The following PTPRN2 variants were observed in gnomAD, a reference collection of about 807,000 sequenced individuals.
PTPRN2 encodes protein tyrosine phosphatase receptor type N2, also known as receptor-type tyrosine-protein phosphatase N2.
In PTPRN2, 74 loss-of-function variants were observed where a neutral mutation model predicts 118.8. The observed-to-expected ratio is 0.62, with a 90% CI of 0.52 to 0.76. The LOEUF (loss-of-function observed/expected upper bound fraction) is 0.76, where lower values mean the gene tolerates loss of function less well. Ranked by LOEUF, PTPRN2 falls within the 30% of genes least tolerant of loss-of-function variation. PTPRN2 has a pLI of 0.00. For synonymous variants in PTPRN2, 641 were observed against 608.0 expected (o/e 1.05, Z -0.80); for missense variants, 1,481 against 1,394.4 (o/e 1.06, Z -0.99).
chr7:158,175,474 G>A (rs891720061), intron 5 of PTPRN2, among the ~76,000 whole-genome samples: 8 of 152,122 alleles, frequency 5.3e-5, no homozygotes, highest in South Asian at 2.1e-4. Flanking sequence ...GTCTCTCTGT[G>A]TATCTCTGCC....
Position 158,015,502 on chromosome 7 carries a change from A to G in PTPRN2, c.1723+65796T>C. 6.8e-6 allele frequency among the ~76,000 whole-genome samples: 1 copy of G among 147,596 alleles called. No homozygotes were observed. Among genetic ancestry groups the G allele is most frequent in the South Asian group, 2.2e-4 (1 of 4,504 alleles). ...GAGGGAGAGAGGGAGAGAGGGAGAT[A>G]GAGGGAGGGGTGGGAGGAAGACAGA... On this transcript the variant is annotated intron_variant, in intron 11 of 22. Transcript: ENST00000389418. The surrounding 1 kb of genome is among the most constrained non-coding windows in gnomAD (Gnocchi z 4.2).
intron 6 of PTPRN2, among the ~76,000 whole-genome samples, chr7:158,143,685 C>A (rs750509124): frequency 6.6e-6 from 1 of 152,212 alleles, no homozygotes; most frequent in Non-Finnish European, 1.5e-5. Context: ...AGAGTAACGA[C>A]CTGACCAGAG....
At chr7:157,557,506 C>A (rs1230652078) in intron 21 of PTPRN2, among the ~76,000 whole-genome samples, 2 of 149,522 alleles carry the variant, frequency 1.3e-5, no homozygotes, top group Non-Finnish European at 3.0e-5. Context: ...CAGGTACACA[C>A]GGCATGCATA....
chr7:157,730,796 G>A (rs1197893607), intron 12 of PTPRN2, among the ~76,000 whole-genome samples: 2 of 152,258 alleles, frequency 1.3e-5, no homozygotes, highest in Non-Finnish European at 1.5e-5. Flanking sequence ...GCTGCTCCCC[G>A]CCTGGGCACA....
In PTPRN2 at chr7:158,188,307, T is replaced by C. The variant is rs878950544; in HGVS notation, c.549+4020A>G. Among the ~76,000 whole-genome samples, 61 of 24,238 alleles carry C rather than the reference T, an allele frequency of 2.5e-3. No homozygotes were observed. In the East Asian group the frequency reaches 0.03, roughly 12 times the overall value. 15.9% of individuals were successfully genotyped at this position (24,238 alleles called of 152,430 possible). On this transcript the variant is annotated intron_variant, in intron 5 of 22. Coordinates refer to ENST00000389418, the MANE Select transcript of PTPRN2 (RefSeq NM_002847.5). ...AAGGCCGCCACGCTCGCCCCCTGTA[T>C]GGGGAAGGCCGCCACGCTCGCCCCC... is the stretch of plus-strand genomic sequence containing the variant.
intron 11 of PTPRN2, among the ~76,000 whole-genome samples, chr7:158,064,844 G>C (rs987086495): frequency 1.3e-5 from 2 of 152,114 alleles, no homozygotes; most frequent in East Asian, 3.9e-4. Context: ...CTGGGCTGTC[G>C]GGTGTCCCTG....
intron 12 of PTPRN2, among the ~76,000 whole-genome samples, chr7:157,709,725 G>A (rs562346632): frequency 2.0e-5 from 3 of 152,328 alleles, no homozygotes; most frequent in East Asian, 1.9e-4. Flanking sequence ...GATTCAGCCC[G>A]GCGTGCCTGG....
intron 11 of PTPRN2, among the ~76,000 whole-genome samples, chr7:158,063,952 A>G (rs1810561498): frequency 6.6e-6 from 1 of 152,134 alleles, no homozygotes; most frequent in Admixed American, 6.6e-5. Flanking sequence ...AGTGAGACAC[A>G]CTCAGTGAGA....
At chr7:158,583,473 A>C (rs1306578973) in intron 1 of PTPRN2, among the ~76,000 whole-genome samples, 11 of 142,042 alleles carry the variant, frequency 7.7e-5, no homozygotes, top group South Asian at 2.3e-4. Context: ...GCCCACCCCC[A>C]CCTCCCCTCC....
At chr7:158,522,199 C>T (rs868734666) in intron 1 of PTPRN2, among the ~76,000 whole-genome samples, 10 of 75,618 alleles carry the variant, frequency 1.3e-4, no homozygotes, top group East Asian at 5.1e-4. Context: ...GGGAGGTCCA[C>T]GTCACAATGG....
intron 12 of PTPRN2, among the ~76,000 whole-genome samples, chr7:157,790,558 C>T (rs1804423800): frequency 6.6e-6 from 1 of 152,198 alleles, no homozygotes; most frequent in East Asian, 1.9e-4. Context: ...GGGGGCATTT[C>T]AAACCCGTGG....
intron 10 of PTPRN2, among the ~76,000 whole-genome samples, chr7:158,094,979 T>G (rs1324883136): frequency 1.3e-5 from 2 of 152,136 alleles, no homozygotes; most frequent in African/African-American, 4.8e-5. Context: ...CAACTCCAGT[T>G]TGCAATCCCA....
At chr7:158,374,069 G>A (rs888711369) in intron 2 of PTPRN2, among the ~76,000 whole-genome samples, 2 of 152,214 alleles carry the variant, frequency 1.3e-5, no homozygotes, top group African/African-American at 4.8e-5. Context: ...CTGGAGTCAG[G>A]GCTCAGGCAG....
intron 3 of PTPRN2, among the ~76,000 whole-genome samples, chr7:158,314,802 T>C (rs899162539): frequency 3.3e-5 from 5 of 152,246 alleles, no homozygotes; most frequent in Admixed American, 3.3e-4. Context: ...CAGACACGTG[T>C]AGCACTACAC....
intron 12 of PTPRN2, among the ~76,000 whole-genome samples, chr7:157,846,201 G>A (rs564430118): frequency 1.6e-4 from 24 of 152,244 alleles, no homozygotes; most frequent in Admixed American, 5.2e-4. Flanking sequence ...GAAGAAAAGC[G>A]GGGGTGGGAG....
At chr7:157,664,446 A>C in intron 13 of PTPRN2, among the ~76,000 whole-genome samples, 1 of 152,238 alleles carries the variant, frequency 6.6e-6, no homozygotes, top group East Asian at 1.9e-4. Context: ...GAATACTCTA[A>C]GTACCATTCT....
intron 13 of PTPRN2, among the ~76,000 whole-genome samples, chr7:157,668,003 G>A (rs1460488305): frequency 6.6e-6 from 1 of 152,204 alleles, no homozygotes; most frequent in Non-Finnish European, 1.5e-5. Flanking sequence ...CACCCTGAAA[G>A]CTTCCCGTGC....
chr7:157,639,178 A>G (rs1392175135), intron 14 of PTPRN2, among the ~76,000 whole-genome samples: 2 of 151,958 alleles, frequency 1.3e-5, no homozygotes, highest in Non-Finnish European at 2.9e-5. Flanking sequence ...CTGGGATTAT[A>G]GGCATGCGCC....
intron 21 of PTPRN2, among the ~76,000 whole-genome samples, chr7:157,561,211 T>C (rs913017504): frequency 2.9e-4 from 42 of 142,542 alleles, no homozygotes; most frequent in African/African-American, 9.5e-4. Flanking sequence ...ATGCCATCCC[T>C]TCGGCCCCCG....
Sources: allele counts gnomAD v4.1 joint callset (sites outside exome capture counted in the v4.1 genomes callset), GRCh38; gene constraint gnomAD v4.1.1; non-coding constraint Gnocchi (gnomAD v3.1); transcripts MANE v1.5; gene names NCBI Gene and HGNC (gene_info 2026-07-23, HGNC 2026-07-21).